The following ATG10 variants were observed in gnomAD, a reference collection of about 807,000 sequenced individuals.
The protein encoded by ATG10 is ubiquitin-like-conjugating enzyme ATG10.
In ATG10, 30 loss-of-function variants were observed where a neutral mutation model predicts 32.1. That is an observed-to-expected ratio of 0.94 (90% CI 0.70 to 1.27). The LOEUF is 1.27. Ranked by LOEUF, ATG10 falls within the 50% of genes most tolerant of loss-of-function variation. ATG10 has a pLI of 0.00. For synonymous variants in ATG10, 87 were observed against 91.5 expected (o/e 0.95, Z 0.28); for missense variants, 233 against 262.3 (o/e 0.89, Z 0.77).
intron 3 of ATG10, among the ~76,000 whole-genome samples, chr5:82,112,410 G>C (rs1331666697): frequency 6.6e-6 from 1 of 151,416 alleles, no homozygotes; most frequent in East Asian, 1.9e-4. Flanking sequence ...GATTTTGGGG[G>C]GTAATTTAGT....
chr5:82,181,904 A>G (rs1744251964), intron 5 of ATG10, among the ~76,000 whole-genome samples: 1 of 152,122 alleles, frequency 6.6e-6, no homozygotes, highest in South Asian at 2.1e-4. Flanking sequence ...ACATTTGATT[A>G]TGGTGATTAC....
chr5:82,189,666 G>A (rs1265175784), intron 5 of ATG10, among the ~76,000 whole-genome samples: 1 of 152,060 alleles, frequency 6.6e-6, no homozygotes, highest in African/African-American at 2.4e-5. Flanking sequence ...CTCTGTTGTG[G>A]AGACTGGAGT....
At chr5:82,077,658 C>T (rs144484701) in intron 3 of ATG10, among the ~76,000 whole-genome samples, 116 of 152,192 alleles carry the variant, frequency 7.6e-4, no homozygotes, top group African/African-American at 2.7e-3. Flanking sequence ...AGGCAGTTCT[C>T]CAGTGCTGAG....
At chr5:81,987,516 A>G in intron 1 of ATG10, 43 bp from the exon 2 acceptor site, 2 of 1,335,950 alleles carry the variant, frequency 1.5e-6, no homozygotes, top group Non-Finnish European at 2.1e-6. Flanking sequence ...TCCTTTCAAT[A>G]TAATTCTAAA....
chr5:82,045,310 T>C (rs1763200814), intron 2 of ATG10, among the ~76,000 whole-genome samples: 4 of 152,072 alleles, frequency 2.6e-5, no homozygotes, highest in Admixed American at 1.3e-4. Flanking sequence ...CAAATACAAT[T>C]TTAGGTTAAG....
chr5:82,123,524 T>TAA (rs371845829), intron 3 of ATG10, among the ~76,000 whole-genome samples: 40 of 138,400 alleles, frequency 2.9e-4, no homozygotes, highest in Admixed American at 2.2e-4. Context: ...AAAATAAAAG[T>TAA]AAAAAAAAAA....
At position 82,061,818 on chromosome 5, in the gene ATG10, C is replaced by CTTT. The variant is rs11459926; in HGVS notation, c.216+3238_216+3240dup. On this transcript the variant is annotated intron_variant, in intron 3 of 7. Coordinates refer to ENST00000282185, the MANE Select transcript of ATG10 (RefSeq NM_031482.5). The stretch of plus-strand genomic sequence containing the variant: ...CGTATACATACATATACACACATAC[C>CTTT]TTTTTTTTTTTTTTTTTTTTTTTTA... Among the ~76,000 whole-genome samples, 187 of 80,914 alleles carry CTTT rather than the reference C, an allele frequency of 2.3e-3. 7 individuals are homozygous for CTTT. Among genetic ancestry groups the CTTT allele is most frequent in the South Asian group, 4.0e-3 (7 of 1,748 alleles). The allele number at this position is 80,914 out of a possible 152,430, so 53.1% of individuals were successfully genotyped here.
intron 3 of ATG10, among the ~76,000 whole-genome samples, chr5:82,155,307 G>A (rs1483015578): frequency 1.3e-5 from 2 of 152,138 alleles, no homozygotes; most frequent in African/African-American, 2.4e-5. Flanking sequence ...AAAATGGAAA[G>A]GGGAAAGAGT....
chr5:82,133,844 A>C (rs1766636395), intron 3 of ATG10, among the ~76,000 whole-genome samples: 1 of 152,106 alleles, frequency 6.6e-6, no homozygotes, highest in Non-Finnish European at 1.5e-5. Flanking sequence ...GATTCTAACT[A>C]TCCATGAGCA....
chr5:82,099,597 A>G (rs1046470892), intron 3 of ATG10, among the ~76,000 whole-genome samples: 35 of 152,164 alleles, frequency 2.3e-4, no homozygotes, highest in Non-Finnish European at 7.4e-5. Context: ...AAATAGTTAC[A>G]TAGCTCTTTT....
At chr5:82,125,098 G>A (rs749082169) in intron 3 of ATG10, among the ~76,000 whole-genome samples, 6 of 152,206 alleles carry the variant, frequency 3.9e-5, no homozygotes, top group Non-Finnish European at 8.8e-5. Flanking sequence ...CTTTTGAGAA[G>A]TGTCTGTTCA....
intron 5 of ATG10, among the ~76,000 whole-genome samples, chr5:82,241,871 A>G (rs942511799): frequency 6.6e-6 from 1 of 152,146 alleles, no homozygotes; most frequent in Non-Finnish European, 1.5e-5. Context: ...GAAAATTTCT[A>G]AACACAGGCT....
At chr5:82,198,322 G>A (rs553903378) in intron 5 of ATG10, among the ~76,000 whole-genome samples, 5 of 152,150 alleles carry the variant, frequency 3.3e-5, no homozygotes, top group South Asian at 2.1e-4. Context: ...TGACAGGATC[G>A]TGGCTCACTG....
chr5:82,033,497 C>T (rs1762802234), intron 2 of ATG10, among the ~76,000 whole-genome samples: 1 of 152,070 alleles, frequency 6.6e-6, no homozygotes, highest in African/African-American at 2.4e-5. Context: ...ACCACCACAC[C>T]TGGCTATATT....
At chr5:82,203,125 G>A (rs996800592) in intron 5 of ATG10, among the ~76,000 whole-genome samples, 2 of 152,088 alleles carry the variant, frequency 1.3e-5, no homozygotes, top group East Asian at 3.9e-4. Flanking sequence ...CTACTCAGGA[G>A]GCTGAGACAG....
chr5:82,083,890 G>A (rs1334824508), intron 3 of ATG10, among the ~76,000 whole-genome samples: 5 of 152,206 alleles, frequency 3.3e-5, no homozygotes, highest in Admixed American at 3.3e-4. Context: ...GAGCAGAAAA[G>A]CTGAAAATTC....
At chr5:82,115,700 AT>A (rs1765784720) in intron 3 of ATG10, among the ~76,000 whole-genome samples, 1 of 152,038 alleles carries the variant, frequency 6.6e-6, no homozygotes, top group African/African-American at 2.4e-5. Context: ...TTGGCAAGTT[AT>A]TTTGCACATT....
At chr5:82,223,090 G>A (rs549134172) in intron 5 of ATG10, among the ~76,000 whole-genome samples, 3 of 152,278 alleles carry the variant, frequency 2.0e-5, no homozygotes, top group South Asian at 2.1e-4. Flanking sequence ...AGATGCAGAC[G>A]AGAGATAGCA....
chr5:82,214,739 G>A (rs1745612024), intron 5 of ATG10, among the ~76,000 whole-genome samples: 1 of 152,124 alleles, frequency 6.6e-6, no homozygotes, highest in Non-Finnish European at 1.5e-5. Flanking sequence ...TCTCAAGGTG[G>A]AGGGACTCTC....
Sources: allele counts gnomAD v4.1 joint callset (sites outside exome capture counted in the v4.1 genomes callset), GRCh38; gene constraint gnomAD v4.1.1; transcripts MANE v1.5; gene names NCBI Gene and HGNC (gene_info 2026-07-23, HGNC 2026-07-21).